PAN3: variants seen among roughly 807,000 people sequenced by gnomAD.
PAN3 encodes the protein poly(A) specific ribonuclease subunit PAN3, also known as PAN2-PAN3 deadenylation complex subunit PAN3.
PAN3 carries 19 observed loss-of-function variants against 96.2 expected under a neutral mutation model. The observed-to-expected ratio is 0.20, with a 90% confidence interval of 0.14 to 0.29. The LOEUF is 0.29. Among genes scored for constraint, PAN3 ranks in the 10% least tolerant of loss-of-function variants. PAN3 has a pLI of 1.00. For synonymous variants in PAN3, 433 were observed against 406.6 expected, an observed-to-expected ratio of 1.06 and a Z score of -0.78; for missense variants, 882 against 1,108.1, an observed-to-expected ratio of 0.80 and a Z score of 2.90.
At chr13:28,271,016 AG>A in intron 13 of PAN3, 150 bp downstream of exon 13, 6 of 918,914 alleles carry the variant, frequency 6.5e-6, no homozygotes, top group South Asian at 2.0e-5. Context: ...AGCTTTTTAA[AG>A]AAAAAAAAAA....
chr13:28,205,861 TAAAAAAAAAA>T (rs369273234), intron 5 of PAN3, among the ~76,000 whole-genome samples: 110 of 133,174 alleles, frequency 8.3e-4, no homozygotes, highest in African/African-American at 3.0e-3. Context: ...AACTGTTTCT[TAAAAAAAAAA>T]AAAAAAGAAA....
chr13:28,164,982 A>G (rs1412308384), intron 1 of PAN3, among the ~76,000 whole-genome samples: 2 of 152,234 alleles, frequency 1.3e-5, no homozygotes, highest in Non-Finnish European at 1.5e-5. Context: ...ATCTCAGCTC[A>G]CTGCAACCTC....
chr13:28,293,399 T>G lies in PAN3; in HGVS notation c.*877T>G, dbSNP rs1029503756. ...TTCCAGTTTGCTGGTTTTTTTTTTT[T>G]TTTTTTTTTTTTTTTTTGGGCGGGG... is the stretch of plus-strand genomic sequence containing the variant. On this transcript the variant is annotated 3_prime_UTR_variant, in exon 19 of 19. Transcript: ENST00000380958. 5.7e-5 allele frequency: 8 copies of G among 140,386 alleles called. No individual in the cohort carries two copies. Among genetic ancestry groups the G allele is most frequent in the African/African-American group, 1.3e-4 (5 of 37,150 alleles). The allele number at this position is 140,386 out of a possible 1,614,324, so 8.7% of individuals were successfully genotyped here. A position where few individuals can be genotyped will look rare whatever the true frequency, so the allele number is the denominator to read the frequency against.
At chr13:28,237,473 A>G (rs1219847929) in intron 6 of PAN3, among the ~76,000 whole-genome samples, 2 of 152,174 alleles carry the variant, frequency 1.3e-5, no homozygotes, top group Non-Finnish European at 2.9e-5. Context: ...ACTTAATTAG[A>G]GCTTAGAACA....
chr13:28,158,042 C>T (rs1028171655), intron 1 of PAN3, among the ~76,000 whole-genome samples: 3 of 152,146 alleles, frequency 2.0e-5, no homozygotes, highest in African/African-American at 7.2e-5. Context: ...GAAATAAAGC[C>T]TCACACCTAC....
At chr13:28,214,966 G>T in intron 5 of PAN3, 2 of 1,371,792 alleles carry the variant, frequency 1.5e-6, no homozygotes, top group Non-Finnish European at 2.0e-6. Flanking sequence ...CTAATTGTTG[G>T]TGTTAACAAA....
chr13:28,233,923 G>A (rs1277468797), intron 6 of PAN3, among the ~76,000 whole-genome samples: 3 of 152,162 alleles, frequency 2.0e-5, no homozygotes, highest in Non-Finnish European at 4.4e-5. Context: ...CCAAAGATGT[G>A]TATCAGCATT....
chr13:28,201,289 C>T (rs1006929613), intron 5 of PAN3, among the ~76,000 whole-genome samples: 2 of 151,958 alleles, frequency 1.3e-5, no homozygotes, highest in Admixed American at 1.3e-4. Context: ...AGCTATCCTC[C>T]TGCCTTGGCA....
rs1880678264 is a variant in PAN3, at chr13:28,215,804, A to G, written c.853-4427A>G. 3.6e-6 allele frequency: 5 copies of G among 1,379,388 alleles called. No homozygotes were observed. In the East Asian group the frequency reaches 6.9e-5, roughly 19 times the overall value. 85.4% of individuals were successfully genotyped at this position (1,379,388 alleles called of 1,614,324 possible). A position where few individuals can be genotyped will look rare whatever the true frequency, so the allele number is the denominator to read the frequency against. On this transcript the variant is annotated intron_variant, in intron 5 of 18. Coordinates refer to ENST00000380958, the MANE Select transcript of PAN3 (RefSeq NM_175854.8). ...TTGCTGTTGGTGATGTGAGACAGAC[A>G]GTTGCTGTGGGTGTCATCAAAGCAG...
intron 14 of PAN3, among the ~76,000 whole-genome samples, chr13:28,275,384 TA>T (rs1161463467): frequency 6.6e-6 from 1 of 152,182 alleles, no homozygotes; most frequent in Non-Finnish European, 1.5e-5. Flanking sequence ...TAATAGAGAA[TA>T]ATGGAATATT....
intron 1 of PAN3, among the ~76,000 whole-genome samples, chr13:28,141,281 A>G (rs974412254): frequency 6.6e-6 from 1 of 151,916 alleles, no homozygotes; most frequent in Non-Finnish European, 1.5e-5. Flanking sequence ...CTGGGATTAC[A>G]GGTGTGAGCC....
At chr13:28,191,485 G>A (rs1193917050) in intron 4 of PAN3, among the ~76,000 whole-genome samples, 1 of 152,150 alleles carries the variant, frequency 6.6e-6, no homozygotes, top group African/African-American at 2.4e-5. Flanking sequence ...GTGGTATTTA[G>A]TGGGAGGATA....
intron 6 of PAN3, among the ~76,000 whole-genome samples, chr13:28,252,674 T>C (rs993763807): frequency 2.6e-4 from 40 of 152,302 alleles, no homozygotes; most frequent in African/African-American, 9.4e-4. Flanking sequence ...TATATTACTT[T>C]TAAATATCTC....
intron 14 of PAN3, among the ~76,000 whole-genome samples, chr13:28,276,935 TGG>T (rs1887110962): frequency 6.6e-6 from 1 of 152,202 alleles, no homozygotes; most frequent in Non-Finnish European, 1.5e-5. Flanking sequence ...AATTTGTAGT[TGG>T]CATGGGAATT....
At chr13:28,289,306 G>C (rs903026535) in intron 18 of PAN3, among the ~76,000 whole-genome samples, 2 of 151,528 alleles carry the variant, frequency 1.3e-5, no homozygotes, top group Non-Finnish European at 2.9e-5. Context: ...ACGGGGTTTT[G>C]ATCTGTCACC....
chr13:28,169,770 C>A (rs139875778), intron 1 of PAN3, among the ~76,000 whole-genome samples: 1 of 151,888 alleles, frequency 6.6e-6, no homozygotes, highest in Admixed American at 6.6e-5. Flanking sequence ...AATTTTAGGC[C>A]GGGCACAGTG....
At chr13:28,190,242 G>A (rs1482333110) in intron 4 of PAN3, among the ~76,000 whole-genome samples, 1 of 152,162 alleles carries the variant, frequency 6.6e-6, no homozygotes, top group Non-Finnish European at 1.5e-5. Context: ...ACCTCACCTG[G>A]CCAATTTGTT....
At chr13:28,206,238 A>T (rs1162316038) in intron 5 of PAN3, among the ~76,000 whole-genome samples, 2 of 151,200 alleles carry the variant, frequency 1.3e-5, no homozygotes, top group Admixed American at 1.3e-4. Context: ...CCTTTTGTTC[A>T]TCCCTTAATT....
At chr13:28,209,922 A>T (rs969450791) in intron 5 of PAN3, among the ~76,000 whole-genome samples, 2 of 152,106 alleles carry the variant, frequency 1.3e-5, no homozygotes, top group African/African-American at 4.8e-5. Flanking sequence ...CTGGGACTAC[A>T]GGTGTGTGCT....
Sources: allele counts gnomAD v4.1 joint callset (sites outside exome capture counted in the v4.1 genomes callset), GRCh38; gene constraint gnomAD v4.1.1; transcripts MANE v1.5; gene names NCBI Gene and HGNC (gene_info 2026-07-23, HGNC 2026-07-21).